MIDEAS: variants seen among roughly 807,000 people sequenced by gnomAD.
MIDEAS encodes mitotic deacetylase associated SANT domain protein.
MIDEAS carries 26 observed loss-of-function variants against 102.7 expected under a neutral mutation model. That is an observed-to-expected ratio of 0.25 (90% CI 0.19 to 0.35). The LOEUF (loss-of-function observed/expected upper bound fraction) is 0.35, where lower values mean the gene tolerates loss of function less well. Among genes scored for constraint, MIDEAS ranks in the 10% least tolerant of loss-of-function variants. The pLI is 1.00. For missense variants in MIDEAS, 1,231 were observed against 1,435.6 expected (o/e 0.86, Z 2.30); for synonymous variants, 585 against 591.0 (o/e 0.99, Z 0.15).
Position 73,723,091 on chromosome 14 carries a change from G to A in MIDEAS, c.2575-244C>T, listed in dbSNP as rs8008439. 1.3e-3 allele frequency: 471 copies of A among 364,622 alleles called. 2 individuals are homozygous for A. The highest frequency in any genetic ancestry group is 9.2e-3 in the African/African-American group (441 of 48,192). 22.6% of individuals were successfully genotyped at this position (364,622 alleles called of 1,614,324 possible). On this transcript the variant is annotated intron_variant, in intron 9 of 12. Transcript: ENST00000423556. ...AAAAAAAGCTATAAAGGACAATGTCGGAACCACTCGGGAGATGGCAATATG... is the reference window on the plus strand; with the variant it reads ...AAAAAAAGCTATAAAGGACAATGTCAGAACCACTCGGGAGATGGCAATATG...
chr14:73,783,034 G>A (rs901921169), intron 1 of MIDEAS, among the ~76,000 whole-genome samples: 3 of 152,210 alleles, frequency 2.0e-5, no homozygotes, highest in Non-Finnish European at 4.4e-5. Context: ...GACTTGCTAT[G>A]AGTGGGGCAC....
intron 1 of MIDEAS, among the ~76,000 whole-genome samples, chr14:73,778,692 C>T (rs1371574459): frequency 6.6e-6 from 1 of 151,954 alleles, no homozygotes; most frequent in Non-Finnish European, 1.5e-5. Context: ...ACATGGAGGG[C>T]TAGGCCCTTA....
upstream of MIDEAS, among the ~76,000 whole-genome samples, chr14:73,760,906 G>A (rs1413735735): frequency 6.6e-6 from 1 of 152,166 alleles, no homozygotes; most frequent in East Asian, 1.9e-4. This position sits in a 1 kb window ranked among gnomAD's most constrained non-coding sequence, Gnocchi z 4.8. Flanking sequence ...ATATCCCCCT[G>A]ATCAATTCTC....
intron 12 of MIDEAS, 116 bp from the exon 13 acceptor site, chr14:73,719,124 G>T: frequency 6.8e-7 from 1 of 1,461,012 alleles, no homozygotes; most frequent in Non-Finnish European, 9.0e-7. Context: ...GCCGCGGCCG[G>T]CCAGCTCGCG....
At chr14:73,747,417 G>C (rs952765064) in intron 1 of MIDEAS, among the ~76,000 whole-genome samples, 22 of 152,188 alleles carry the variant, frequency 1.4e-4, no homozygotes, top group African/African-American at 5.3e-4. Flanking sequence ...ACCAGGACTA[G>C]CTGCATGCCG....
chr14:73,734,921 T>C (rs539723839), intron 3 of MIDEAS, among the ~76,000 whole-genome samples: 1 of 152,156 alleles, frequency 6.6e-6, no homozygotes, highest in African/African-American at 2.4e-5. Flanking sequence ...GGAAATGGGA[T>C]AACAAATCAA....
chr14:73,777,466 T>C (rs2053701822), intron 1 of MIDEAS, among the ~76,000 whole-genome samples: 1 of 152,060 alleles, frequency 6.6e-6, no homozygotes, highest in African/African-American at 2.4e-5. Flanking sequence ...CATCTCCTTC[T>C]ACCTGCACAC....
chr14:73,765,873 G>A (rs1299370976), intron 1 of MIDEAS, among the ~76,000 whole-genome samples: 1 of 152,166 alleles, frequency 6.6e-6, no homozygotes. Flanking sequence ...GATCTACTTT[G>A]TAAAGTTGGT....
intron 1 of MIDEAS, among the ~76,000 whole-genome samples, chr14:73,780,840 C>T (rs181632322): frequency 6.6e-6 from 1 of 152,304 alleles, no homozygotes; most frequent in Non-Finnish European, 1.5e-5. Flanking sequence ...AATTAAGATC[C>T]ACTAAGACTA....
chr14:73,728,558 T>A (rs2053095498), intron 4 of MIDEAS: 1 of 145,192 alleles, frequency 6.9e-6, no homozygotes, highest in Non-Finnish European at 1.5e-5. Context: ...AATACAGTCC[T>A]CACCATCCCA....
intron 1 of MIDEAS, among the ~76,000 whole-genome samples, chr14:73,766,851 A>ATTTTT (rs34401057): frequency 5.3e-5 from 4 of 75,894 alleles, no homozygotes; most frequent in African/African-American, 5.2e-5. Context: ...CTGCCCGGCC[A>ATTTTT]TTTTTTTTTT....
rs1381328776 is a variant in MIDEAS, at chr14:73,715,545, C to G, written c.*3298G>C. 1.3e-5 allele frequency: 2 copies of G among 152,414 alleles called. No homozygotes were observed. Among genetic ancestry groups the G allele is most frequent in the East Asian group, 3.8e-4 (2 of 5,204 alleles). 9.4% of individuals were successfully genotyped at this position (152,414 alleles called of 1,614,324 possible). Reference sequence around the variant, plus strand: ...AGAGACAAATGAGGAAAAAGTGAAACAGCTGCAAATTGTTAGAAGCAAATA... The same window carrying G: ...AGAGACAAATGAGGAAAAAGTGAAAGAGCTGCAAATTGTTAGAAGCAAATA... On this transcript the variant is annotated 3_prime_UTR_variant, in exon 13 of 13. Transcript: ENST00000423556.
chr14:73,751,815 G>A (rs528090235), intron 1 of MIDEAS, among the ~76,000 whole-genome samples: 5 of 152,236 alleles, frequency 3.3e-5, no homozygotes, highest in African/African-American at 9.6e-5. Context: ...CAGAAGAATC[G>A]CTTGAACCCA....
chr14:73,722,611 T>A (rs543570155), intron 10 of MIDEAS, 87 bp downstream of exon 10: 1 of 1,527,720 alleles, frequency 6.5e-7, no homozygotes, highest in African/African-American at 1.4e-5. Context: ...TGCAGGCTCC[T>A]GGAGAGCTCG....
chr14:73,725,202 G>T lies in MIDEAS; in HGVS notation c.2574+70C>A. ...GCTTTTTAAGAGGGATTGGTCACTG[G>T]CAGAGGGAGCCCCAAAGTCACACAG... On this transcript the variant is annotated intron_variant, in intron 9 of 12. Coordinates refer to ENST00000423556, the MANE Select transcript of MIDEAS (RefSeq NM_001367710.1). This position sits in a 1 kb window ranked among gnomAD's most constrained non-coding sequence, Gnocchi z 4.1. 8.1e-7 allele frequency: 1 copy of T among 1,239,426 alleles called. No homozygotes were observed. The highest frequency in any genetic ancestry group is 1.2e-6 in the Non-Finnish European group (1 of 839,304). The allele number at this position is 1,239,426 out of a possible 1,614,324, so 76.8% of individuals were successfully genotyped here.
rs745599939 is a variant in MIDEAS at position 73,737,044 on chromosome 14, G to A, written c.1703C>T (p.Thr568Ile). ...GGGGATTCGGGTGGACCGCCTGCGG[G>A]TGACGATGACTGATGGCTTGTGCTC... ...PAEHKPSVIV[T>I]RRRSTRIPGT... is the part of the protein sequence containing the mutation. The change falls in exon 3 of 13, where the codon ACC (threonine) becomes ATC (isoleucine). Residue 568 changes from threonine to isoleucine, a missense_variant. By Grantham distance (89) the Thr-to-Ile change is moderately conservative. Transcript: ENST00000423556. 6.2e-7 allele frequency: 1 copy of A among 1,613,990 alleles called. No individual in the cohort carries two copies. The highest frequency in any genetic ancestry group is 1.1e-5 in the South Asian group (1 of 91,072).
At chr14:73,767,081 C>T (rs930394445) in intron 1 of MIDEAS, among the ~76,000 whole-genome samples, 30 of 151,152 alleles carry the variant, frequency 2.0e-4, no homozygotes, top group African/African-American at 7.1e-4. Context: ...TCGCAAACTC[C>T]TGACCTCAAG....
At chr14:73,719,595 A>T in intron 11 of MIDEAS, 94 bp from the exon 12 acceptor site, 1 of 1,296,218 alleles carries the variant, frequency 7.7e-7, no homozygotes, top group Non-Finnish European at 1.1e-6. Flanking sequence ...GAAAAGTCAT[A>T]TATATTCCTG....
intron 1 of MIDEAS, among the ~76,000 whole-genome samples, chr14:73,777,678 A>G (rs2053703803): frequency 6.6e-6 from 1 of 151,926 alleles, no homozygotes; most frequent in Non-Finnish European, 1.5e-5. Flanking sequence ...CTCAGCACTC[A>G]GCTCAAACAG....
Sources: gnomAD v4.1 joint callset for allele counts (sites outside exome capture counted in the v4.1 genomes callset) on GRCh38, gnomAD v4.1.1 for gene constraint, Gnocchi (gnomAD v3.1) non-coding constraint, MANE v1.5 for transcripts, NCBI Gene and HGNC (gene_info 2026-07-23, HGNC 2026-07-21) for gene names.